The following RGS5 variants were observed in gnomAD, a reference collection of about 807,000 sequenced individuals.
RGS5 encodes the protein regulator of G protein signaling 5, also known as regulator of G-protein signalling 5.
Under a neutral mutation model 18.9 loss-of-function variants are expected in RGS5, and 20 were observed. The ratio of observed to expected loss-of-function variants is 1.06; its 90% CI spans 0.74 to 1.54. The LOEUF (loss-of-function observed/expected upper bound fraction) is 1.54. Ranked by LOEUF, RGS5 falls within the 40% of genes most tolerant of loss-of-function variation. RGS5 has a pLI of 0.00. For synonymous variants in RGS5, 57 were observed against 76.2 expected (o/e 0.75, Z 1.31); for missense variants, 201 against 211.8 (o/e 0.95, Z 0.32).
Position 163,202,911 on chromosome 1 carries a change from C to T in RGS5, c.-76G>A. ...GAGCCAGTCTTTGAAAACTTCAAAA[C>T]TGTCTGGGATGCCTTTCCTCCTGAG... On this transcript the variant is annotated 5_prime_UTR_variant, in exon 1 of 5. Transcript: ENST00000313961. 1 of 1,424,516 alleles carries T rather than the reference C, an allele frequency of 7.0e-7. No individual in the cohort carries two copies. The highest frequency in any genetic ancestry group is 9.9e-7 in the Non-Finnish European group (1 of 1,013,386). 88.2% of individuals were successfully genotyped at this position (1,424,516 alleles called of 1,614,324 possible).
At chr1:163,284,177 CTT>C (rs1375486361) in intron 2 of RGS5, among the ~76,000 whole-genome samples, 1 of 152,146 alleles carries the variant, frequency 6.6e-6, no homozygotes, top group Non-Finnish European at 1.5e-5. Context: ...ACCTATAACT[CTT>C]TTGTTGTTAC....
At chr1:163,293,138 T>C (rs2101726938) in intron 2 of RGS5, among the ~76,000 whole-genome samples, 1 of 152,352 alleles carries the variant, frequency 6.6e-6, no homozygotes, top group South Asian at 2.1e-4. Flanking sequence ...CTACGGTTTT[T>C]ATAGTTTGGA....
upstream of RGS5, chr1:163,206,806 T>C (rs532699156): frequency 6.6e-6 from 1 of 152,232 alleles, no homozygotes; most frequent in African/African-American, 2.4e-5. Context: ...CTGCCAGAAA[T>C]AAATTTCTTT....
At chr1:163,202,453 G>T (rs537810676) in intron 1 of RGS5, among the ~76,000 whole-genome samples, 2 of 152,188 alleles carry the variant, frequency 1.3e-5, no homozygotes, top group South Asian at 2.1e-4. Flanking sequence ...TAGAGCCAGG[G>T]TTCTAATCTA....
chr1:163,292,618 A>C (rs1649316655), intron 2 of RGS5, among the ~76,000 whole-genome samples: 1 of 152,192 alleles, frequency 6.6e-6, no homozygotes, highest in Admixed American at 6.5e-5. Flanking sequence ...TGGTTGAACT[A>C]ATTTACACTC....
chr1:163,172,520 A>C, intron 1 of RGS5: 1 of 1,542,274 alleles, frequency 6.5e-7, no homozygotes, highest in Non-Finnish European at 8.7e-7. Context: ...TTGCCAAGAG[A>C]AAATCGTATT....
At chr1:163,222,806 T>C (rs1647255627) in intron 2 of RGS5, among the ~76,000 whole-genome samples, 1 of 152,086 alleles carries the variant, frequency 6.6e-6, no homozygotes, top group Non-Finnish European at 1.5e-5. Context: ...GAACTGTAGT[T>C]TTTCCTGTTA....
At chr1:163,196,893 C>G (rs1659583104) in intron 1 of RGS5, among the ~76,000 whole-genome samples, 7 of 152,128 alleles carry the variant, frequency 4.6e-5, no homozygotes. Context: ...GAGGAAATAC[C>G]AAGCTGTCCT....
chr1:163,288,656 A>G (rs925377530), intron 2 of RGS5, among the ~76,000 whole-genome samples: 3 of 152,070 alleles, frequency 2.0e-5, no homozygotes, highest in Non-Finnish European at 4.4e-5. Context: ...CATTATTATA[A>G]CCTTTTAGTG....
chr1:163,252,861 G>A (rs1648147287), intron 2 of RGS5, among the ~76,000 whole-genome samples: 1 of 152,136 alleles, frequency 6.6e-6, no homozygotes, highest in African/African-American at 2.4e-5. Flanking sequence ...ACCATTAATT[G>A]TTTGTGTAAC....
intron 2 of RGS5, among the ~76,000 whole-genome samples, chr1:163,267,504 G>A (rs1184482510): frequency 6.6e-6 from 1 of 152,052 alleles, no homozygotes; most frequent in Non-Finnish European, 1.5e-5. Context: ...ACCCTCTCAT[G>A]CCTTTCCCCT....
intron 2 of RGS5, among the ~76,000 whole-genome samples, chr1:163,264,891 A>G (rs572952114): frequency 6.6e-6 from 1 of 152,146 alleles, no homozygotes; most frequent in Non-Finnish European, 1.5e-5. Context: ...TACTCTCACT[A>G]GCACTTCAAA....
intron 1 of RGS5, among the ~76,000 whole-genome samples, chr1:163,192,838 AG>A (rs1659412023): frequency 6.6e-6 from 1 of 152,206 alleles, no homozygotes; most frequent in Admixed American, 6.5e-5. Flanking sequence ...CCAAGTACAC[AG>A]GTTATGTGGT....
chr1:163,281,635 A>G (rs1327244342), intron 2 of RGS5, among the ~76,000 whole-genome samples: 2 of 152,170 alleles, frequency 1.3e-5, no homozygotes, highest in Non-Finnish European at 2.9e-5. Flanking sequence ...ATCATGTTTC[A>G]ACATGAGATT....
intron 2 of RGS5, among the ~76,000 whole-genome samples, chr1:163,293,018 T>C (rs933234206): frequency 5.1e-4 from 77 of 152,332 alleles, no homozygotes; most frequent in Non-Finnish European, 7.8e-4. Context: ...GCTCTTTAGT[T>C]TAATTAGATC....
At chr1:163,205,860 A>G (rs1228279416), upstream of RGS5, among the ~76,000 whole-genome samples, 1 of 152,190 alleles carries the variant, frequency 6.6e-6, no homozygotes, top group East Asian at 1.9e-4. Flanking sequence ...TATTAGCAAT[A>G]TATTTATTGA....
rs748001862 is a variant in RGS5, at chr1:163,217,527, T to C, written c.68A>G (p.Asn23Ser). 5.2e-6 allele frequency: 8 copies of C among 1,537,010 alleles called. No individual in the cohort carries two copies. In the East Asian group the frequency reaches 1.2e-4, roughly 24 times the overall value. ...TTTAAGACTAATATTTGTACATACA[T>C]TGATATGCCAATGAGCACTGTGCAT... Residue 23 changes from asparagine (N) to serine (S), a missense_variant and splice_region_variant, in exon 1 of 6, where the codon AAT (asparagine) becomes AGT (serine). Transcript: ENST00000367903.
At chr1:163,155,225 A>G (rs1249334716) in intron 3 of RGS5, among the ~76,000 whole-genome samples, 1 of 152,188 alleles carries the variant, frequency 6.6e-6, no homozygotes, top group Non-Finnish European at 1.5e-5. Context: ...TTTGGAAAGC[A>G]TAGGGACAAA....
chr1:163,243,709 G>A (rs796255706), intron 2 of RGS5, among the ~76,000 whole-genome samples: 8 of 145,488 alleles, frequency 5.5e-5, no homozygotes, highest in African/African-American at 1.8e-4. Flanking sequence ...CCATGGCACA[G>A]GTTTACCTTT....
Sources: allele counts gnomAD v4.1 joint callset (sites outside exome capture counted in the v4.1 genomes callset), GRCh38; gene constraint gnomAD v4.1.1; transcripts MANE v1.5; gene names NCBI Gene and HGNC (gene_info 2026-07-23, HGNC 2026-07-21).